Variants in NOX4 observed in about 807,000 individuals in gnomAD.
The protein encoded by NOX4 is NADPH oxidase 4.
A neutral mutation model predicts 87.6 loss-of-function variants in NOX4; 69 were observed. The ratio of observed to expected loss-of-function variants is 0.79; its 90% CI spans 0.65 to 0.96. The LOEUF (loss-of-function observed/expected upper bound fraction) is 0.96, where lower values mean the gene tolerates loss of function less well. Among genes scored for constraint, NOX4 ranks in the 40% least tolerant of loss-of-function variants. NOX4 has a pLI of 0.00. For synonymous variants in NOX4, 275 were observed against 238.2 expected (o/e 1.15, Z -1.42); for missense variants, 680 against 681.5 (o/e 1.00, Z 0.02).
At chr11:89,568,262 T>A in the NOX4 span, among the ~76,000 whole-genome samples, 1 of 151,948 alleles carries the variant, frequency 6.6e-6, no homozygotes, top group Non-Finnish European at 1.5e-5. Flanking sequence ...CTGAATGAAA[T>A]TGAGATTAAA....
At chr11:89,455,719 C>CATATATATATAT (rs60864771) in intron 2 of NOX4, among the ~76,000 whole-genome samples, 76 of 141,066 alleles carry the variant, frequency 5.4e-4, no homozygotes, top group African/African-American at 1.7e-3. Context: ...AAGATGAAGT[C>CATATATATATAT]ATATATATAT....
chr11:89,368,131 A>G (rs1005564606), intron 12 of NOX4, among the ~76,000 whole-genome samples: 5 of 151,758 alleles, frequency 3.3e-5, no homozygotes, highest in African/African-American at 1.2e-4. Context: ...CATAATTAGT[A>G]TATTGTTATA....
the NOX4 span, among the ~76,000 whole-genome samples, chr11:89,567,027 A>G: frequency 6.6e-6 from 1 of 152,134 alleles, no homozygotes; most frequent in Non-Finnish European, 1.5e-5. Context: ...CCAGGGATGC[A>G]CATCCTCCAA....
the NOX4 span, among the ~76,000 whole-genome samples, chr11:89,504,044 A>G: frequency 6.6e-6 from 1 of 151,594 alleles, no homozygotes; most frequent in Admixed American, 6.6e-5. Flanking sequence ...GGTACAAAAT[A>G]ACAAAATCTT....
intron 6 of NOX4, among the ~76,000 whole-genome samples, chr11:89,438,804 ATATATTATATATATTATATAATATCTT>A (rs1565293269): frequency 4.2e-4 from 11 of 26,186 alleles, no homozygotes; most frequent in East Asian, 1.7e-3. Context: ...ATAATATATT[ATATATTATATATATTATATAATATCTT>A]ATATATTATA....
intron 17 of NOX4, among the ~76,000 whole-genome samples, chr11:89,331,774 G>T (rs1347564111): frequency 2.0e-5 from 3 of 151,492 alleles, no homozygotes; most frequent in African/African-American, 7.3e-5. Flanking sequence ...AATCACACAG[G>T]ATGTTATGAT....
At chr11:89,342,781 T>C (rs935021656) in intron 13 of NOX4, among the ~76,000 whole-genome samples, 6 of 152,152 alleles carry the variant, frequency 3.9e-5, no homozygotes, top group Non-Finnish European at 7.3e-5. Context: ...GCTCTGCAGC[T>C]CTAATTACTC....
intron 2 of NOX4, among the ~76,000 whole-genome samples, chr11:89,489,202 C>T (rs544342842): frequency 6.6e-6 from 1 of 152,132 alleles, no homozygotes; most frequent in African/African-American, 2.4e-5. Context: ...AGTCTGGGTA[C>T]TGAGAATTAC....
Position 89,324,881 on chromosome 11 carries a change from C to T in NOX4, c.*1875G>A, listed in dbSNP as rs1945159528. 1 of 151,896 alleles carries T rather than the reference C, an allele frequency of 6.6e-6. No homozygotes were observed. The highest frequency in any genetic ancestry group is 1.5e-5 in the Non-Finnish European group (1 of 67,990). The allele number at this position is 151,896 out of a possible 1,614,324, so 9.4% of individuals were successfully genotyped here. The stretch of plus-strand genomic sequence containing the variant: ...CTTCTTTCCATAGAAAGGAGAATTT[C>T]AAGGAAAGGAAGAAATATCTACAAG... On this transcript the variant is annotated 3_prime_UTR_variant, in exon 18 of 18. Transcript: ENST00000263317.
intron 6 of NOX4, among the ~76,000 whole-genome samples, chr11:89,440,429 C>T (rs1017430384): frequency 6.6e-6 from 1 of 152,060 alleles, no homozygotes; most frequent in Non-Finnish European, 1.5e-5. Context: ...AAGTGATTCT[C>T]CTGCCTCAGC....
chr11:89,465,738 G>A (rs1945661386), intron 2 of NOX4, among the ~76,000 whole-genome samples: 2 of 152,066 alleles, frequency 1.3e-5, no homozygotes, highest in South Asian at 4.1e-4. Context: ...CAGCAATGAT[G>A]AGCATTTTTT....
chr11:89,539,913 A>C, the NOX4 span, among the ~76,000 whole-genome samples: 8 of 151,696 alleles, frequency 5.3e-5, no homozygotes, highest in East Asian at 1.6e-3. Context: ...GTCATAAATT[A>C]CTTACATCTT....
the NOX4 span, among the ~76,000 whole-genome samples, chr11:89,538,028 C>A: frequency 2.0e-4 from 31 of 152,308 alleles, no homozygotes; most frequent in African/African-American, 7.2e-4. Context: ...TCTCCAGTCC[C>A]TGGCTCTCTG....
intron 13 of NOX4, among the ~76,000 whole-genome samples, 192 bp downstream of exon 13, chr11:89,354,770 G>T (rs1414592911): frequency 1.3e-5 from 2 of 152,186 alleles, no homozygotes; most frequent in Admixed American, 1.3e-4. Context: ...TTACAAGTAA[G>T]TATTTCTTCT....
intron 2 of NOX4, among the ~76,000 whole-genome samples, chr11:89,455,657 A>G (rs538951642): frequency 2.6e-5 from 4 of 151,794 alleles, no homozygotes; most frequent in African/African-American, 9.7e-5. Flanking sequence ...AGCTTGCAGT[A>G]TCATGGAAAA....
In NOX4 at chr11:89,455,744, A is replaced by G. The variant is rs189213839; in HGVS notation, c.154-3849T>C. Among the ~76,000 whole-genome samples, 217 of 146,884 alleles carry G rather than the reference A, an allele frequency of 1.5e-3. 4 individuals are homozygous for G. The highest frequency in any genetic ancestry group is 4.7e-3 in the African/African-American group (180 of 38,372). Reference sequence around the variant, plus strand: ...CATATATATATATATATATATATATATGAAACAAAAAGCAGGCACTTCAAG... The same window carrying G: ...CATATATATATATATATATATATATGTGAAACAAAAAGCAGGCACTTCAAG... On this transcript the variant is annotated intron_variant, in intron 2 of 17. Coordinates refer to ENST00000263317, the MANE Select transcript of NOX4 (RefSeq NM_016931.5).
chr11:89,541,610 T>C, the NOX4 span, among the ~76,000 whole-genome samples: 1 of 152,202 alleles, frequency 6.6e-6, no homozygotes, highest in Non-Finnish European at 1.5e-5. Flanking sequence ...TTATTAGTTA[T>C]AAGTGATATA....
the NOX4 span, among the ~76,000 whole-genome samples, chr11:89,584,707 A>G: frequency 6.6e-6 from 1 of 152,186 alleles, no homozygotes; most frequent in Non-Finnish European, 1.5e-5. Flanking sequence ...AAAAATGTGT[A>G]GTTCAAGAAT....
intron 7 of NOX4, among the ~76,000 whole-genome samples, chr11:89,430,833 T>C: frequency 6.6e-6 from 1 of 152,172 alleles, no homozygotes; most frequent in East Asian, 1.9e-4. Context: ...ATGACTTTCT[T>C]CACAGAATTG....
Sources: gnomAD v4.1 joint callset for allele counts (sites outside exome capture counted in the v4.1 genomes callset) on GRCh38, gnomAD v4.1.1 for gene constraint, MANE v1.5 for transcripts, NCBI Gene and HGNC (gene_info 2026-07-23, HGNC 2026-07-21) for gene names.